Variants in NEGR1 observed in about 807,000 individuals in gnomAD.
NEGR1 encodes the protein neuronal growth regulator 1.
A neutral mutation model predicts 40.9 loss-of-function variants in NEGR1; 10 were observed. The observed-to-expected ratio is 0.24, with a 90% CI of 0.15 to 0.42. The LOEUF (loss-of-function observed/expected upper bound fraction) is 0.42. Ranked by LOEUF, NEGR1 falls within the 10% of genes least tolerant of loss-of-function variation. NEGR1 has a pLI of 1.00. For synonymous variants in NEGR1, 185 were observed against 166.8 expected (o/e 1.11, Z -0.84); for missense variants, 352 against 438.9 (o/e 0.80, Z 1.77).
At chr1:71,928,345 C>T (rs1158552054) in intron 2 of NEGR1, among the ~76,000 whole-genome samples, 1 of 86,280 alleles carries the variant, frequency 1.2e-5, no homozygotes, top group Non-Finnish European at 2.3e-5. Flanking sequence ...TATATACACA[C>T]ATGTGTATAT....
intron 2 of NEGR1, among the ~76,000 whole-genome samples, chr1:71,874,463 T>A (rs1557684629): frequency 6.6e-6 from 1 of 152,170 alleles, no homozygotes; most frequent in African/African-American, 2.4e-5. Flanking sequence ...GCAAGGTTTG[T>A]GGGTCTCTAT....
At chr1:72,077,685 T>C (rs1056759114) in intron 1 of NEGR1, among the ~76,000 whole-genome samples, 1 of 151,912 alleles carries the variant, frequency 6.6e-6, no homozygotes, top group African/African-American at 2.4e-5. Flanking sequence ...CAGTGGCGCA[T>C]GCCTGTAGTC....
intron 3 of NEGR1, among the ~76,000 whole-genome samples, chr1:71,760,194 C>G (rs1459796): frequency 0.11 from 16,655 of 151,878 alleles, 1,399 homozygotes; most frequent in African/African-American, 0.23. Flanking sequence ...GTGGGTTCCT[C>G]CTTTTTGTTT....
At chr1:72,274,612 T>A (rs1006500210) in intron 1 of NEGR1, 2 of 794,816 alleles carry the variant, frequency 2.5e-6, no homozygotes, top group Non-Finnish European at 4.6e-6. Flanking sequence ...TTAACCACTC[T>A]ATGGCCTTGG....
At chr1:71,821,801 C>T (rs1404689282) in intron 2 of NEGR1, among the ~76,000 whole-genome samples, 1 of 151,992 alleles carries the variant, frequency 6.6e-6, no homozygotes, top group Non-Finnish European at 1.5e-5. Context: ...GACCATGCAG[C>T]TCCAAACGAT....
intron 3 of NEGR1, among the ~76,000 whole-genome samples, chr1:71,714,333 A>T (rs1415485775): frequency 6.6e-6 from 1 of 152,162 alleles, no homozygotes; most frequent in Non-Finnish European, 1.5e-5. Context: ...TGGGGTGAGG[A>T]CACAGAGCCA....
At chr1:71,747,144 G>C (rs957347131) in intron 3 of NEGR1, among the ~76,000 whole-genome samples, 1 of 151,820 alleles carries the variant, frequency 6.6e-6, no homozygotes, top group African/African-American at 2.4e-5. Context: ...CATATAAAGG[G>C]GCAATTGACT....
intron 2 of NEGR1, among the ~76,000 whole-genome samples, chr1:71,898,368 C>G (rs1391797384): frequency 6.6e-6 from 1 of 152,174 alleles, no homozygotes; most frequent in Non-Finnish European, 1.5e-5. Context: ...GTAATCCCAG[C>G]ACTTTGGGAG....
At chr1:71,957,001 C>T (rs1646124953) in intron 1 of NEGR1, among the ~76,000 whole-genome samples, 1 of 152,134 alleles carries the variant, frequency 6.6e-6, no homozygotes, top group African/African-American at 2.4e-5. Context: ...AAAATGAGCA[C>T]ATTTCCTCAT....
intron 4 of NEGR1, among the ~76,000 whole-genome samples, chr1:71,613,191 T>C (rs1025408017): frequency 2.0e-5 from 3 of 152,046 alleles, no homozygotes; most frequent in African/African-American, 7.2e-5. Flanking sequence ...GTGCAAGTGG[T>C]GGAAAGTTAT....
intron 1 of NEGR1, among the ~76,000 whole-genome samples, chr1:71,963,876 G>A (rs1305106396): frequency 2.6e-5 from 4 of 152,032 alleles, no homozygotes; most frequent in South Asian, 2.1e-4. Flanking sequence ...CAAGAAATAC[G>A]AGTCCAAATC....
intron 6 of NEGR1, among the ~76,000 whole-genome samples, chr1:71,588,479 A>G (rs904410781): frequency 6.6e-6 from 1 of 152,096 alleles, no homozygotes; most frequent in East Asian, 1.9e-4. Flanking sequence ...ATTTTTGGAC[A>G]GAGAATCTAG....
chr1:71,758,489 G>T (rs1418968962), intron 3 of NEGR1, among the ~76,000 whole-genome samples: 1 of 151,954 alleles, frequency 6.6e-6, no homozygotes, highest in Non-Finnish European at 1.5e-5. Context: ...ATAATTAAAA[G>T]TTTAACACAG....
At chr1:71,939,762 C>G (rs764919163) in intron 1 of NEGR1, among the ~76,000 whole-genome samples, 19 of 151,570 alleles carry the variant, frequency 1.3e-4, no homozygotes, top group Non-Finnish European at 2.4e-4. Flanking sequence ...GAAAGAACTA[C>G]AACATTTGAC....
chr1:71,854,294 C>T (rs1337978626), intron 2 of NEGR1, among the ~76,000 whole-genome samples: 2 of 152,066 alleles, frequency 1.3e-5, no homozygotes, highest in Non-Finnish European at 2.9e-5. Context: ...TAACTATGTG[C>T]TCTTATACTT....
At chr1:72,103,626 G>T (rs10493493) in intron 1 of NEGR1, among the ~76,000 whole-genome samples, 34,588 of 151,876 alleles carry the variant, frequency 0.23, 4,443 homozygotes, top group Non-Finnish European at 0.29. Flanking sequence ...GTTAAGCTAC[G>T]TTTTCCCTGG....
intron 1 of NEGR1, among the ~76,000 whole-genome samples, chr1:71,978,649 C>A (rs1312965282): frequency 6.6e-6 from 1 of 151,918 alleles, no homozygotes; most frequent in Non-Finnish European, 1.5e-5. Context: ...ATCTAAACCA[C>A]AATGAGATAC....
chr1:72,145,592 G>T (rs1479952514), intron 1 of NEGR1, among the ~76,000 whole-genome samples: 1 of 152,086 alleles, frequency 6.6e-6, no homozygotes, highest in African/African-American at 2.4e-5. Flanking sequence ...TGTTAAGTAT[G>T]GTTGGACTAG....
chr1:71,788,610 C>A (rs879042690), intron 2 of NEGR1, among the ~76,000 whole-genome samples: 2 of 151,806 alleles, frequency 1.3e-5, no homozygotes, highest in Non-Finnish European at 2.9e-5. Context: ...TGATTTCCAG[C>A]AAGAGGATTA....
Sources: gnomAD v4.1 joint callset for allele counts (sites outside exome capture counted in the v4.1 genomes callset) on GRCh38, gnomAD v4.1.1 for gene constraint, MANE v1.5 for transcripts, NCBI Gene and HGNC (gene_info 2026-07-23, HGNC 2026-07-21) for gene names.